Variants in SCRIB observed in about 807,000 individuals in gnomAD.
The protein encoded by SCRIB is protein scribble homolog.
SCRIB carries 72 observed loss-of-function variants against 170.0 expected under a neutral mutation model. The ratio of observed to expected loss-of-function variants is 0.42; its 90% CI spans 0.35 to 0.52. SCRIB has a LOEUF of 0.52. Among genes scored for constraint, SCRIB ranks in the 20% least tolerant of loss-of-function variants. SCRIB has a pLI of 0.02. For missense variants in SCRIB, 2,475 were observed against 2,338.5 expected (o/e 1.06, Z -1.20); for synonymous variants, 1,298 against 1,044.3 (o/e 1.24, Z -4.68).
Position 143,792,693 on chromosome 8 carries a change from T to C in SCRIB, c.4177+15A>G. ...AGCCGAGACCCAACCCCCACCCCAC[T>C]TCCGTGCCCCTCACCTTCCTCCTCC... On this transcript the variant is annotated intron_variant, in intron 30 of 36. Transcript: ENST00000356994. 6.3e-7 allele frequency: 1 copy of C among 1,587,264 alleles called. No homozygotes were observed. Among genetic ancestry groups the C allele is most frequent in the Non-Finnish European group, 8.5e-7 (1 of 1,173,538 alleles).
At chr8:143,793,142 G>A (rs1292262662) in intron 28 of SCRIB, 59 bp from the exon 29 acceptor site, 4 of 961,624 alleles carry the variant, frequency 4.2e-6, no homozygotes, top group African/African-American at 1.7e-5. Flanking sequence ...GCAGCTGTGT[G>A]CAACTCACCA....
chr8:143,795,295 G>A lies in SCRIB; in HGVS notation c.3753C>T (p.Pro1251=), dbSNP rs369674960. 2.1e-5 allele frequency: 34 copies of A among 1,612,432 alleles called. No individual in the cohort carries two copies. The highest frequency in any genetic ancestry group is 8.8e-5 in the South Asian group (8 of 91,082). The change falls in exon 26 of 37, where the codon CCC becomes CCT. Residue 1251 remains proline, a synonymous_variant. Coordinates refer to ENST00000356994, the MANE Select transcript of SCRIB (RefSeq NM_182706.5). ...CACTCACTGCGGCTTCTGTGGCCTC[G>A]GGCCCCCAGTGCAGGGTCTGTCCAG... ...ELPGQTLHWG[P]EATEAAGRGL...
chr8:143,802,721 G>A (rs1815225396), intron 24 of SCRIB, among the ~76,000 whole-genome samples: 1 of 152,236 alleles, frequency 6.6e-6, no homozygotes, highest in Non-Finnish European at 1.5e-5. Context: ...AAGGGAGATG[G>A]GAGCCCCCTG....
chr8:143,804,540 G>A, intron 21 of SCRIB, 28 bp downstream of exon 21: 1 of 1,486,142 alleles, frequency 6.7e-7, no homozygotes, highest in Non-Finnish European at 8.9e-7. Flanking sequence ...AAGCTGGGTG[G>A]GTGCCTGGGT....
Position 143,812,920 on chromosome 8 carries a change from C to T in SCRIB, c.684G>A (p.Ser228=), listed in dbSNP as rs185006549. 200 of 1,612,474 alleles carry T rather than the reference C, an allele frequency of 1.2e-4. 2 individuals are homozygous for T. The Admixed American group carries it at 3.0e-3, about 24-fold the overall frequency. The change falls in exon 8 of 37, where the codon TCG becomes TCA. Residue 228 remains serine, a synonymous_variant. Coordinates refer to ENST00000356994, the MANE Select transcript of SCRIB (RefSeq NM_182706.5). Reference sequence around the variant, plus strand: ...CAGGCAGCTCCTCCAGCCGGTTTTCCGACACGTCCAGGCACACCAGGCGCC... The same window carrying T: ...CAGGCAGCTCCTCCAGCCGGTTTTCTGACACGTCCAGGCACACCAGGCGCC... ...NLRRLVCLDV[S]ENRLEELPAE... is the part of the protein sequence containing the mutation.
Position 143,791,730 on chromosome 8 carries a change from C to T in SCRIB, c.4706G>A (p.Gly1569Glu), listed in dbSNP as rs1223894593. The change falls in exon 35 of 37, where the codon GGA becomes GAA. Residue 1569 changes from glycine (G) to glutamate (E), a missense_variant. Gly to Glu is a moderately conservative substitution (Grantham distance 98). This residue lies in a region of SCRIB where 1,966 missense variants were observed against 1,742.9 expected (regional missense o/e 1.13). Coordinates refer to ENST00000356994, the MANE Select transcript of SCRIB (RefSeq NM_182706.5). ...STSPGRLPLS[G>E]KKFDYRAFAA... is the part of the protein sequence containing the mutation. ...AAAGGCCCTGTAGTCAAACTTCTTT[C>T]CAGACAAGGGCTTGAAAGGACAGCG... The T allele has an allele frequency of 1.9e-6, 3 of 1,599,798 alleles. No homozygotes were observed. The highest frequency in any genetic ancestry group is 2.6e-6 in the Non-Finnish European group (3 of 1,169,492).
rs1815319754 is a variant in SCRIB, at chr8:143,804,489, C to T, written c.3009+79G>A. On this transcript the variant is annotated intron_variant, in intron 21 of 36. Transcript: ENST00000356994. ...TCCCACCTGGAGTGGGCCGCAAGGC[C>T]ATAAGAGAGCAGGTCCTGGGAAGGC... 4 of 1,410,604 alleles carry T rather than the reference C, an allele frequency of 2.8e-6. No individual in the cohort carries two copies. The South Asian group carries it at 5.8e-5, about 21-fold the overall frequency. 87.4% of individuals were successfully genotyped at this position (1,410,604 alleles called of 1,614,324 possible).
chr8:143,813,173 T>C, intron 6 of SCRIB, 69 bp from the exon 7 acceptor site: 2 of 1,587,486 alleles, frequency 1.3e-6, no homozygotes, highest in South Asian at 2.3e-5. Context: ...CTCAAGAGAC[T>C]ATACGCCCCC....
rs1171259267 is a variant in SCRIB at position 143,805,427 on chromosome 8, A to G, written c.2355T>C (p.Gly785=). The G allele has an allele frequency of 2.7e-6, 4 of 1,499,590 alleles. No individual in the cohort carries two copies. The African/African-American group carries it at 5.6e-5, about 21-fold the overall frequency. The allele number at this position is 1,499,590 out of a possible 1,614,324, so 92.9% of individuals were successfully genotyped here. Residue 785 remains glycine (G), a synonymous_variant, in exon 19 of 37, where the codon GGT becomes GGC. Transcript: ENST00000356994. ...RVGDKLLEVN[G]VALQGAEHHE... The stretch of plus-strand genomic sequence containing the variant: ...GGTGCTCGGCGCCCTGCAGAGCCAC[A>G]CCATTCACCTGCGGGCCAGGGACCA...
intron 35 of SCRIB, 67 bp from the exon 36 acceptor site, chr8:143,791,507 G>A: frequency 6.3e-7 from 1 of 1,596,126 alleles, no homozygotes; most frequent in South Asian, 1.1e-5. Context: ...GTGGACGGGT[G>A]GGCTCCCAGC....
At chr8:143,813,182 C>T (rs1383215462) in intron 6 of SCRIB, 78 bp from the exon 7 acceptor site, 4 of 1,586,400 alleles carry the variant, frequency 2.5e-6, no homozygotes, top group Non-Finnish European at 3.4e-6. Flanking sequence ...CTATACGCCC[C>T]CACACCCAGC....
At chr8:143,791,539 CT>C (rs1284181625) in intron 35 of SCRIB, 99 bp from the exon 36 acceptor site, 29 of 1,579,876 alleles carry the variant, frequency 1.8e-5, no homozygotes, top group Non-Finnish European at 2.4e-5. Flanking sequence ...CAGAGCCCGG[CT>C]GAAGGGGGAG....
chr8:143,805,894 G>A (rs544127933), intron 18 of SCRIB, among the ~76,000 whole-genome samples: 2 of 152,296 alleles, frequency 1.3e-5, no homozygotes, highest in South Asian at 4.1e-4. Context: ...CCTCCTGGCT[G>A]GGCTTCAGGG....
intron 24 of SCRIB, among the ~76,000 whole-genome samples, chr8:143,797,414 G>C (rs1554634255): frequency 6.6e-6 from 1 of 152,212 alleles, no homozygotes; most frequent in African/African-American, 2.4e-5. Context: ...GGCAGTGGTG[G>C]GTCAGGAATG....
rs782291434 is a variant in SCRIB at position 143,804,088 on chromosome 8, G to C, written c.3078C>G (p.Ser1026Arg). The C allele has an allele frequency of 1.9e-6, 3 of 1,612,602 alleles. No individual in the cohort carries two copies. The Admixed American group carries it at 5.0e-5, about 27-fold the overall frequency. ...LSIVGGSDHS[S>R]HPFGVQEPGV... The stretch of plus-strand genomic sequence containing the variant: ...CAGGCTCCTGGACACCAAACGGGTG[G>C]CTGGAATGGTCGGAGCCTCCGACAA... Residue 1026 changes from serine to arginine, a missense_variant, in exon 22 of 37, where the codon AGC (serine) becomes AGG (arginine). By Grantham distance (110) the Ser-to-Arg change is moderately radical (BLOSUM62 -1). Around this residue, in one of 3 missense-constraint regions of SCRIB, gnomAD observed 1,966 missense variants for 1,742.9 expected, o/e 1.13. Transcript: ENST00000356994.
At chr8:143,796,524 T>C (rs1358076147) in intron 24 of SCRIB, among the ~76,000 whole-genome samples, 3 of 151,946 alleles carry the variant, frequency 2.0e-5, no homozygotes, top group African/African-American at 7.3e-5. Flanking sequence ...GGGTGTGAGT[T>C]CAGAGCTGTC....
At position 143,803,951 on chromosome 8, in the gene SCRIB, G is replaced by A. The variant is rs1815290662; in HGVS notation, c.3121-11C>T. ...GCCCCGCGGGAGCACCTGTCAGGGA[G>A]GAGGGTGGCAGCTGGTGGCTGAGGC... On this transcript the variant is annotated splice_polypyrimidine_tract_variant and intron_variant, in intron 22 of 36. Transcript: ENST00000356994. 2 of 1,575,304 alleles carry A rather than the reference G, an allele frequency of 1.3e-6. No individual in the cohort carries two copies. The highest frequency in any genetic ancestry group is 1.3e-5 in the African/African-American group (1 of 74,272).
chr8:143,808,847 A>G lies in SCRIB; in HGVS notation c.1877T>C (p.Val626Ala), dbSNP rs747950775. 4 of 1,611,070 alleles carry G rather than the reference A, an allele frequency of 2.5e-6. No homozygotes were observed. The highest frequency in any genetic ancestry group is 2.2e-5 in the South Asian group (2 of 91,082). ...ISKLPQPEAV[V>A]ALLQGMQPDG... ...AGGCTGCATGCCCTGCAGCAGAGCC[A>G]CAACGGCCTCGGGCTGGGGCAGCTT... The change falls in exon 15 of 37, where the codon GTG becomes GCG. Residue 626 changes from valine (V) to alanine (A), a missense_variant. By Grantham distance (64) the Val-to-Ala change is moderately conservative. Transcript: ENST00000356994.
chr8:143,792,672 G>T, intron 30 of SCRIB, 36 bp downstream of exon 30: 1 of 1,591,120 alleles, frequency 6.3e-7, no homozygotes, highest in Non-Finnish European at 8.5e-7. Flanking sequence ...CAGACCAGCC[G>T]AGACCCAACC....
Sources: gnomAD v4.1 joint callset for allele counts (sites outside exome capture counted in the v4.1 genomes callset) on GRCh38, gnomAD v4.1.1 for gene constraint, gnomAD v4.1.1 regional missense constraint, MANE v1.5 for transcripts, NCBI Gene and HGNC (gene_info 2026-07-23, HGNC 2026-07-21) for gene names.